The following NSMCE2 variants were observed in gnomAD, a reference collection of about 807,000 sequenced individuals.
The protein encoded by NSMCE2 is NSE2 SUMO ligase component of SMC5/6 complex.
In NSMCE2, 24 loss-of-function variants were observed where a neutral mutation model predicts 23.8. The observed-to-expected ratio is 1.01, with a 90% CI of 0.73 to 1.42. NSMCE2 has a LOEUF of 1.42. NSMCE2 is among the 40% of genes most tolerant of loss of function. The probability of loss-of-function intolerance (pLI) is 0.00; values close to 1 mark genes in which losing one functional copy is unlikely to be tolerated. For synonymous variants in NSMCE2, 92 were observed against 94.1 expected, an observed-to-expected ratio of 0.98 and a Z score of 0.13; for missense variants, 284 against 296.5, an observed-to-expected ratio of 0.96 and a Z score of 0.31.
intron 5 of NSMCE2, among the ~76,000 whole-genome samples, chr8:125,272,045 GCT>G (rs1197660586): frequency 7.7e-6 from 1 of 129,280 alleles, no homozygotes; most frequent in Non-Finnish European, 1.6e-5. Flanking sequence ...ACGGAGTCTC[GCT>G]CTGTCACCTG....
chr8:125,209,442 T>C (rs1484804513), intron 5 of NSMCE2, among the ~76,000 whole-genome samples: 3 of 152,222 alleles, frequency 2.0e-5, no homozygotes, highest in Non-Finnish European at 2.9e-5. Context: ...CTTTCTGTTT[T>C]AGTTGCTTAT....
intron 7 of NSMCE2, among the ~76,000 whole-genome samples, chr8:125,365,110 C>T (rs1430979276): frequency 2.0e-5 from 3 of 152,106 alleles, no homozygotes; most frequent in Non-Finnish European, 2.9e-5. Flanking sequence ...GCCTTTCCAC[C>T]GAGTCCCAGT....
intron 3 of NSMCE2, among the ~76,000 whole-genome samples, chr8:125,148,968 G>C (rs1183781788): frequency 6.6e-6 from 1 of 151,970 alleles, no homozygotes; most frequent in East Asian, 1.9e-4. Flanking sequence ...TTAACAAATG[G>C]TTGCTGTATA....
chr8:125,092,501 G>A (rs1308539301), intron 1 of NSMCE2, among the ~76,000 whole-genome samples: 2 of 152,242 alleles, frequency 1.3e-5, no homozygotes, highest in African/African-American at 2.4e-5. Context: ...AGACATGTGA[G>A]CAAATAGTTG....
At chr8:125,213,707 C>CCCTTCCTTCCTTCCTTATTT (rs56091727) in intron 5 of NSMCE2, among the ~76,000 whole-genome samples, 72,539 of 123,068 alleles carry the variant, frequency 0.59, 23,555 homozygotes, top group African/African-American at 0.87. Context: ...TTCCCTCCCT[C>CCCTTCCTTCCTTCCTTATTT]CCTTCCTTCC....
chr8:125,322,752 A>G (rs1310487376), intron 5 of NSMCE2, among the ~76,000 whole-genome samples: 1 of 152,270 alleles, frequency 6.6e-6, no homozygotes, highest in Non-Finnish European at 1.5e-5. Flanking sequence ...ACGTGAGTTT[A>G]GCAAATTTGA....
intron 5 of NSMCE2, among the ~76,000 whole-genome samples, chr8:125,230,195 C>G (rs1035523376): frequency 2.5e-4 from 38 of 152,158 alleles, no homozygotes; most frequent in African/African-American, 8.7e-4. Context: ...CAAAGAGATT[C>G]ATCCAGATAT....
intron 5 of NSMCE2, among the ~76,000 whole-genome samples, chr8:125,289,208 A>C (rs535629017): frequency 9.2e-5 from 14 of 152,348 alleles, no homozygotes; most frequent in African/African-American, 1.9e-4. Flanking sequence ...TAGAGTAATC[A>C]GAACACATGA....
At chr8:125,227,717 A>G (rs996409282) in intron 5 of NSMCE2, among the ~76,000 whole-genome samples, 1 of 152,198 alleles carries the variant, frequency 6.6e-6, no homozygotes, top group Non-Finnish European at 1.5e-5. Context: ...AAAAATGTGT[A>G]TATTGTAAAA....
At chr8:125,111,072 C>T (rs896844459) in intron 3 of NSMCE2, among the ~76,000 whole-genome samples, 2 of 152,154 alleles carry the variant, frequency 1.3e-5, no homozygotes, top group African/African-American at 4.8e-5. Context: ...ATAGTCTGTT[C>T]TTTCATACAT....
intron 5 of NSMCE2, among the ~76,000 whole-genome samples, chr8:125,339,619 C>T (rs1830168764): frequency 6.6e-6 from 1 of 152,130 alleles, no homozygotes; most frequent in Non-Finnish European, 1.5e-5. Flanking sequence ...AGAATTGCTG[C>T]CTTCAAATCC....
chr8:125,233,083 C>T lies in NSMCE2; in HGVS notation c.418+50827C>T, dbSNP rs115407559. ...TTACGGAAAAGTAAGGAATCTGAAG[C>T]GTGGCAGATCACTTTGAAGCTTGCC... On this transcript the variant is annotated intron_variant, in intron 5 of 7. Coordinates refer to ENST00000287437, the MANE Select transcript of NSMCE2 (RefSeq NM_173685.4). Among the ~76,000 whole-genome samples, 478 of 152,280 alleles carry T rather than the reference C, an allele frequency of 3.1e-3. 3 individuals are homozygous for T. The highest frequency in any genetic ancestry group is 0.011 in the African/African-American group (454 of 41,546).
chr8:125,137,556 C>T (rs1169497634), intron 3 of NSMCE2, among the ~76,000 whole-genome samples: 1 of 152,064 alleles, frequency 6.6e-6, no homozygotes, highest in Non-Finnish European at 1.5e-5. Flanking sequence ...GTTCTTGATC[C>T]CCCTAATTCT....
chr8:125,107,810 G>C (rs1433280866), intron 3 of NSMCE2, among the ~76,000 whole-genome samples: 3 of 152,208 alleles, frequency 2.0e-5, no homozygotes, highest in African/African-American at 7.2e-5. Context: ...AACCTGGGCA[G>C]ATTGCTTGAG....
At chr8:125,262,926 G>A (rs983640216) in intron 5 of NSMCE2, among the ~76,000 whole-genome samples, 18 of 60,702 alleles carry the variant, frequency 3.0e-4, no homozygotes, top group African/African-American at 6.7e-4. Context: ...CAGTGCCTCC[G>A]CGAAAAAAGG....
At chr8:125,179,398 A>G (rs1822673869) in intron 4 of NSMCE2, among the ~76,000 whole-genome samples, 1 of 152,184 alleles carries the variant, frequency 6.6e-6, no homozygotes, top group Non-Finnish European at 1.5e-5. Context: ...TATCTTTTTC[A>G]TGCTACATGA....
chr8:125,156,017 C>T (rs548289464), intron 4 of NSMCE2: 17 of 447,020 alleles, frequency 3.8e-5, no homozygotes, highest in East Asian at 1.5e-4. Flanking sequence ...TGGTGGCGCA[C>T]GCCTGTAGTT....
intron 3 of NSMCE2, among the ~76,000 whole-genome samples, chr8:125,128,088 CT>C (rs2130543131): frequency 6.6e-6 from 1 of 152,268 alleles, no homozygotes; most frequent in East Asian, 1.9e-4. Context: ...GGCCATTGTG[CT>C]TTGAGCAGAA....
chr8:125,113,676 A>G (rs1197284545), intron 3 of NSMCE2, among the ~76,000 whole-genome samples: 1 of 152,180 alleles, frequency 6.6e-6, no homozygotes, highest in Non-Finnish European at 1.5e-5. Flanking sequence ...GTGCAGAAAG[A>G]TTTACCAGAA....
Sources: gnomAD v4.1 joint callset for allele counts (sites outside exome capture counted in the v4.1 genomes callset) on GRCh38, gnomAD v4.1.1 for gene constraint, MANE v1.5 for transcripts, NCBI Gene and HGNC (gene_info 2026-07-23, HGNC 2026-07-21) for gene names.